Variants in PLCH1 observed in about 807,000 individuals in gnomAD.
PLCH1 encodes phospholipase C eta 1.
PLCH1 carries 60 observed loss-of-function variants against 126.7 expected under a neutral mutation model. The ratio of observed to expected loss-of-function variants is 0.47; its 90% CI spans 0.38 to 0.59. The LOEUF (loss-of-function observed/expected upper bound fraction) is 0.59, where lower values mean the gene tolerates loss of function less well. PLCH1 is among the 20% of genes least tolerant of loss of function. PLCH1 has a pLI of 0.00. For missense variants in PLCH1, 1,723 were observed against 2,040.0 expected (o/e 0.84, Z 2.99); for synonymous variants, 719 against 734.9 (o/e 0.98, Z 0.35).
intron 2 of PLCH1, among the ~76,000 whole-genome samples, chr3:155,626,730 C>G (rs1020508501): frequency 2.3e-5 from 3 of 127,918 alleles, no homozygotes; most frequent in South Asian, 5.0e-4. Context: ...GATCGTGCCA[C>G]TGCACTCCAG....
chr3:155,734,747 C>G (rs1376744110), intron 1 of PLCH1, among the ~76,000 whole-genome samples: 2 of 145,876 alleles, frequency 1.4e-5, no homozygotes, highest in African/African-American at 5.1e-5. Context: ...CTCGCTCTGT[C>G]GCCCAGGCTG....
rs150030484 is a variant in PLCH1 at position 155,561,045 on chromosome 3, A to G, written c.1069+3870T>C. On this transcript the variant is annotated intron_variant, in intron 8 of 22. Transcript: ENST00000460012. Reference sequence around the variant, plus strand: ...AATGATTGTTCTTCTACACTCATTAAAAAATCTCTCCTCTTTTGAAGCTTA... The same window carrying G: ...AATGATTGTTCTTCTACACTCATTAGAAAATCTCTCCTCTTTTGAAGCTTA... Among the ~76,000 whole-genome samples the G allele has an allele frequency of 3.0e-3, 459 of 152,296 alleles. 2 individuals carry two copies. Among genetic ancestry groups the G allele is most frequent in the South Asian group, 0.02 (96 of 4,822 alleles).
intron 21 of PLCH1, among the ~76,000 whole-genome samples, chr3:155,473,470 G>T (rs1181541546): frequency 6.6e-6 from 1 of 151,630 alleles, no homozygotes; most frequent in African/African-American, 2.4e-5. Flanking sequence ...TGGGTAGGAA[G>T]AATCAATATC....
At chr3:155,566,366 CAT>C (rs1416340341) in intron 7 of PLCH1, among the ~76,000 whole-genome samples, 1 of 139,984 alleles carries the variant, frequency 7.1e-6, no homozygotes, top group African/African-American at 2.7e-5. Context: ...TATATACACA[CAT>C]ATATATATGT....
rs199928894 is a variant in PLCH1, at chr3:155,620,658, A to T, written c.80-24280T>A. Among the ~76,000 whole-genome samples the T allele has an allele frequency of 1.3e-4, 20 of 152,256 alleles. No individual in the cohort carries two copies. The East Asian group carries it at 3.9e-3, about 29-fold the overall frequency. On this transcript the variant is annotated intron_variant, in intron 2 of 22. Coordinates refer to ENST00000460012, the MANE Select transcript of PLCH1 (RefSeq NM_014996.4). The stretch of plus-strand genomic sequence containing the variant: ...GGAAAGTGGGAGTTGTATAAGAAAG[A>T]TGATGACCCACCGCAGCTCAGCAAG...
At chr3:155,634,956 G>A (rs1239810361) in intron 2 of PLCH1, among the ~76,000 whole-genome samples, 1 of 152,070 alleles carries the variant, frequency 6.6e-6, no homozygotes, top group Non-Finnish European at 1.5e-5. Context: ...AAGGCTGTGG[G>A]TCTTGGAAAA....
intron 2 of PLCH1, among the ~76,000 whole-genome samples, chr3:155,612,179 A>T (rs1169633573): frequency 2.0e-5 from 3 of 151,926 alleles, no homozygotes; most frequent in African/African-American, 7.3e-5. Flanking sequence ...AATAAAATAA[A>T]TTAGCCAGGC....
At chr3:155,545,460 C>G (rs1030716558) in intron 10 of PLCH1, among the ~76,000 whole-genome samples, 12 of 147,956 alleles carry the variant, frequency 8.1e-5, no homozygotes, top group African/African-American at 3.0e-4. Context: ...ACCAGAGGTA[C>G]AAGGAGGAAC....
At chr3:155,670,387 A>C (rs1417505207) in intron 2 of PLCH1, among the ~76,000 whole-genome samples, 2 of 152,140 alleles carry the variant, frequency 1.3e-5, no homozygotes, top group East Asian at 3.9e-4. Flanking sequence ...ATTCACATGG[A>C]TTTTAAAGAA....
intron 1 of PLCH1, among the ~76,000 whole-genome samples, chr3:155,727,404 T>TC (rs1292116116): frequency 6.6e-6 from 1 of 151,752 alleles, no homozygotes; most frequent in Non-Finnish European, 1.5e-5. Flanking sequence ...TTTTTTTTTT[T>TC]TGAGATGGAG....
chr3:155,581,642 GGAAGA>G (rs1465716028), intron 6 of PLCH1, among the ~76,000 whole-genome samples: 3 of 152,030 alleles, frequency 2.0e-5, no homozygotes, highest in Non-Finnish European at 4.4e-5. Context: ...CAGCATGCTT[GGAAGA>G]GAGAAATGGA....
intron 2 of PLCH1, among the ~76,000 whole-genome samples, chr3:155,602,937 A>G (rs945941552): frequency 2.6e-5 from 4 of 152,248 alleles, no homozygotes; most frequent in African/African-American, 4.8e-5. Flanking sequence ...AAGGACCAAC[A>G]GGCAAAATCA....
At chr3:155,730,285 T>A (rs1353000040) in intron 1 of PLCH1, among the ~76,000 whole-genome samples, 5 of 151,800 alleles carry the variant, frequency 3.3e-5, no homozygotes, top group Non-Finnish European at 4.4e-5. Context: ...ATGATTAGTT[T>A]TTTTTTTTTC....
chr3:155,729,404 C>T (rs1450251889), intron 1 of PLCH1, among the ~76,000 whole-genome samples: 1 of 151,942 alleles, frequency 6.6e-6, no homozygotes, highest in Non-Finnish European at 1.5e-5. Context: ...GATCTGTGCC[C>T]AAAAATACAG....
At chr3:155,592,578 A>G (rs2108637975) in intron 4 of PLCH1, among the ~76,000 whole-genome samples, 1 of 152,228 alleles carries the variant, frequency 6.6e-6, no homozygotes, top group Admixed American at 6.5e-5. Context: ...AAGCTGCAGC[A>G]GTTCTCTCTG....
intron 21 of PLCH1, among the ~76,000 whole-genome samples, chr3:155,487,414 C>T (rs928577688): frequency 6.6e-6 from 1 of 152,188 alleles, no homozygotes; most frequent in African/African-American, 2.4e-5. Flanking sequence ...TCCCCAATTA[C>T]TTGACATGAC....
At chr3:155,713,433 A>C (rs529928821) in intron 1 of PLCH1, among the ~76,000 whole-genome samples, 22 of 152,372 alleles carry the variant, frequency 1.4e-4, no homozygotes, top group African/African-American at 4.8e-4. Context: ...TGAGTGAGCT[A>C]CTTGGACCAA....
At chr3:155,532,329 A>G (rs1227800135) in intron 10 of PLCH1, among the ~76,000 whole-genome samples, 1 of 152,222 alleles carries the variant, frequency 6.6e-6, no homozygotes, top group Non-Finnish European at 1.5e-5. Flanking sequence ...CTGCTGTTCC[A>G]AGCTCTGTGA....
chr3:155,474,881 A>G (rs1292137036), downstream of PLCH1, among the ~76,000 whole-genome samples: 1 of 126,556 alleles, frequency 7.9e-6, no homozygotes, highest in Non-Finnish European at 1.6e-5. Flanking sequence ...GAACAATGAG[A>G]TCACATGGAC....
Sources: gnomAD v4.1 joint callset for allele counts (sites outside exome capture counted in the v4.1 genomes callset) on GRCh38, gnomAD v4.1.1 for gene constraint, MANE v1.5 for transcripts, NCBI Gene and HGNC (gene_info 2026-07-23, HGNC 2026-07-21) for gene names.